Variants in STIM1 observed in about 807,000 individuals in gnomAD.
STIM1 encodes stromal interaction molecule 1.
In STIM1, 25 loss-of-function variants were observed where a neutral mutation model predicts 74.7. That is an observed-to-expected ratio of 0.33 (90% CI 0.24 to 0.47). STIM1 has a LOEUF of 0.47. Ranked by LOEUF, STIM1 falls within the 20% of genes least tolerant of loss-of-function variation. The pLI is 1.00. For synonymous variants in STIM1, 328 were observed against 348.8 expected (o/e 0.94, Z 0.66); for missense variants, 728 against 920.8 (o/e 0.79, Z 2.71).
rs955112300 is a variant in STIM1 at position 3,886,320 on chromosome 11, G to A, written c.139+29911G>A. Reference sequence around the variant, plus strand: ...ATGAGCAATTAAAAACTTGAGGGAAGTTGATTTTTTTTTTAACTCTGTAAA... The same window carrying A: ...ATGAGCAATTAAAAACTTGAGGGAAATTGATTTTTTTTTTAACTCTGTAAA... On this transcript the variant is annotated intron_variant, in intron 1 of 12. Transcript: ENST00000526596. Among the ~76,000 whole-genome samples, 11 of 152,242 alleles carry A rather than the reference G, an allele frequency of 7.2e-5. No individual in the cohort carries two copies. The East Asian group carries it at 1.9e-3, about 27-fold the overall frequency.
chr11:3,902,774 G>A (rs1377583248), intron 1 of STIM1, among the ~76,000 whole-genome samples: 1 of 152,210 alleles, frequency 6.6e-6, no homozygotes, highest in African/African-American at 2.4e-5. Context: ...GACACCACCT[G>A]TGAGACTGCT....
chr11:4,079,113 C>T (rs2094451725), intron 7 of STIM1, among the ~76,000 whole-genome samples: 1 of 151,654 alleles, frequency 6.6e-6, no homozygotes, highest in African/African-American at 2.4e-5. Flanking sequence ...AACACGGTGA[C>T]ACCCTGTCTC....
At position 3,936,048 on chromosome 11, in the gene STIM1, G is replaced by A. The variant is rs149945899; in HGVS notation, c.140-31504G>A. ...TACATATAATATACTCATTTTAAGTGCTCAGTTCGAGTTCTGACAAATGTA... is the reference window on the plus strand; with the variant it reads ...TACATATAATATACTCATTTTAAGTACTCAGTTCGAGTTCTGACAAATGTA... On this transcript the variant is annotated intron_variant, in intron 1 of 12. Transcript: ENST00000526596. 3.5e-4 allele frequency among the ~76,000 whole-genome samples: 54 copies of A among 152,260 alleles called. No individual in the cohort carries two copies. The East Asian group carries it at 0.01, about 28-fold the overall frequency.
At chr11:3,900,548 C>T (rs974007155) in intron 1 of STIM1, among the ~76,000 whole-genome samples, 4 of 152,224 alleles carry the variant, frequency 2.6e-5, no homozygotes, top group African/African-American at 9.6e-5. Flanking sequence ...GAGCTGTAGG[C>T]CAGAGCTGTT....
intron 1 of STIM1, among the ~76,000 whole-genome samples, chr11:3,874,609 A>G (rs1197317134): frequency 6.6e-6 from 1 of 152,208 alleles, no homozygotes; most frequent in African/African-American, 2.4e-5. Context: ...CTAAGTTCTC[A>G]TATCCAGAGA....
intron 1 of STIM1, among the ~76,000 whole-genome samples, chr11:3,959,810 A>G (rs1342294537): frequency 6.6e-6 from 1 of 152,144 alleles, no homozygotes; most frequent in Non-Finnish European, 1.5e-5. Context: ...TTTCATAATA[A>G]TATATTATTT....
At chr11:3,898,037 G>T (rs1296452310) in intron 1 of STIM1, among the ~76,000 whole-genome samples, 1 of 152,218 alleles carries the variant, frequency 6.6e-6, no homozygotes, top group African/African-American at 2.4e-5. Flanking sequence ...CCAGTAATGG[G>T]ATGGCTGGGT....
intron 1 of STIM1, among the ~76,000 whole-genome samples, chr11:3,902,168 A>G (rs2092366586): frequency 6.6e-6 from 1 of 152,226 alleles, no homozygotes; most frequent in Admixed American, 6.5e-5. Flanking sequence ...AGATGATTAG[A>G]TATGAGTGTG....
intron 1 of STIM1, among the ~76,000 whole-genome samples, chr11:3,861,371 C>T (rs1327138639): frequency 2.6e-5 from 4 of 151,850 alleles, no homozygotes; most frequent in Non-Finnish European, 5.9e-5. Context: ...GTGGCTGGGA[C>T]TACAGGCATC....
intron 3 of STIM1, among the ~76,000 whole-genome samples, chr11:4,041,061 C>T (rs570630166): frequency 1.3e-5 from 2 of 152,192 alleles, no homozygotes; most frequent in Non-Finnish European, 2.9e-5. Context: ...AGGTCACACA[C>T]TATCTTTAGG....
intron 1 of STIM1, among the ~76,000 whole-genome samples, chr11:3,955,308 A>G (rs2093197843): frequency 1.3e-5 from 2 of 152,228 alleles, no homozygotes; most frequent in South Asian, 4.1e-4. Context: ...GTGGTTACAC[A>G]GGGATGTATG....
At chr11:4,079,240 G>A (rs1354107203) in intron 7 of STIM1, among the ~76,000 whole-genome samples, 3 of 151,796 alleles carry the variant, frequency 2.0e-5, no homozygotes, top group Non-Finnish European at 4.4e-5. Context: ...GCAGTGAGCT[G>A]AGAGATCGCG....
intron 4 of STIM1, among the ~76,000 whole-genome samples, chr11:4,057,600 G>A (rs368864260): frequency 3.3e-5 from 5 of 152,224 alleles, no homozygotes; most frequent in African/African-American, 9.6e-5. Flanking sequence ...GCCGGGTGCA[G>A]TGGCTCACAC....
intron 3 of STIM1, among the ~76,000 whole-genome samples, chr11:4,040,517 G>A (rs1187327648): frequency 6.6e-6 from 1 of 152,312 alleles, no homozygotes; most frequent in East Asian, 1.9e-4. Context: ...TGTTCCCACA[G>A]CCCCTATCTC....
chr11:3,959,119 T>C (rs915072987), intron 1 of STIM1, among the ~76,000 whole-genome samples: 1 of 152,180 alleles, frequency 6.6e-6, no homozygotes, highest in African/African-American at 2.4e-5. Context: ...CTTAGTCTTT[T>C]GATCCCTTTC....
intron 1 of STIM1, among the ~76,000 whole-genome samples, chr11:3,913,425 T>A (rs905578404): frequency 6.6e-6 from 1 of 152,054 alleles, no homozygotes; most frequent in African/African-American, 2.4e-5. Context: ...TGGGCTCAAG[T>A]GATCCTCCCG....
chr11:4,003,838 C>G (rs1160843298), intron 2 of STIM1, among the ~76,000 whole-genome samples: 2 of 152,000 alleles, frequency 1.3e-5, no homozygotes, highest in Non-Finnish European at 2.9e-5. Context: ...TCTAGAAAAC[C>G]CCATTGTCTC....
intron 1 of STIM1, among the ~76,000 whole-genome samples, chr11:3,856,773 A>G (rs2090388910): frequency 6.6e-6 from 1 of 152,176 alleles, no homozygotes; most frequent in Non-Finnish European, 1.5e-5. Context: ...CGGTTTTAGT[A>G]CTGAGCAGCA....
intron 2 of STIM1, among the ~76,000 whole-genome samples, chr11:4,012,676 A>G (rs909167555): frequency 3.9e-5 from 6 of 152,166 alleles, no homozygotes; most frequent in Admixed American, 6.5e-5. Flanking sequence ...GCAAACAGGG[A>G]CAATTTGACT....
Sources: allele counts gnomAD v4.1 joint callset (sites outside exome capture counted in the v4.1 genomes callset), GRCh38; gene constraint gnomAD v4.1.1; transcripts MANE v1.5; gene names NCBI Gene and HGNC (gene_info 2026-07-23, HGNC 2026-07-21).